Variants in PKP4 observed in about 807,000 individuals in gnomAD.
PKP4 encodes plakophilin 4, also known as plakophilin-4.
A neutral mutation model predicts 145.1 loss-of-function variants in PKP4; 90 were observed. The ratio of observed to expected loss-of-function variants is 0.62; its 90% CI spans 0.52 to 0.74. The LOEUF (loss-of-function observed/expected upper bound fraction) is 0.74. PKP4 is among the 30% of genes least tolerant of loss of function. PKP4 has a pLI of 0.00. For synonymous variants in PKP4, 563 were observed against 577.2 expected (o/e 0.98, Z 0.35); for missense variants, 1,340 against 1,482.7 (o/e 0.90, Z 1.58).
chr2:158,676,216 T>TCAAA (rs1450060413), intron 19 of PKP4, among the ~76,000 whole-genome samples: 2 of 152,194 alleles, frequency 1.3e-5, no homozygotes, highest in Non-Finnish European at 2.9e-5. Flanking sequence ...GTGCTTTTAT[T>TCAAA]CAAACATGTT....
At chr2:158,541,747 TGTA>T (rs1426409865) in intron 2 of PKP4, among the ~76,000 whole-genome samples, 1 of 152,160 alleles carries the variant, frequency 6.6e-6, no homozygotes, top group Non-Finnish European at 1.5e-5. Flanking sequence ...TGTTTTAACT[TGTA>T]GTCTTTTTCT....
At chr2:158,656,358 GC>G (rs1158948227) in intron 11 of PKP4, among the ~76,000 whole-genome samples, 1 of 26,870 alleles carries the variant, frequency 3.7e-5, no homozygotes, top group African/African-American at 9.7e-5. Flanking sequence ...AATGCGTGCT[GC>G]CTTCTAACGG....
At chr2:158,630,953 T>TGTTTGTTA (rs55931090) in intron 7 of PKP4, among the ~76,000 whole-genome samples, 3 of 152,122 alleles carry the variant, frequency 2.0e-5, no homozygotes, top group Non-Finnish European at 4.4e-5. Flanking sequence ...TTTGTTTGTT[T>TGTTTGTTA]TTGAGACGGC....
chr2:158,640,873 G>A, intron 10 of PKP4, 114 bp downstream of exon 10: 1 of 1,062,940 alleles, frequency 9.4e-7, no homozygotes, highest in Admixed American at 2.1e-5. Context: ...TTTTTAAAGG[G>A]ATATTTTGAT....
At chr2:158,495,944 A>G (rs947906555) in intron 1 of PKP4, among the ~76,000 whole-genome samples, 1 of 152,072 alleles carries the variant, frequency 6.6e-6, no homozygotes, top group Non-Finnish European at 1.5e-5. Context: ...GTTTTAACAT[A>G]TATTTTCTTT....
At chr2:158,678,946 T>C (rs1377328414) in intron 21 of PKP4, 2 of 426,388 alleles carry the variant, frequency 4.7e-6, no homozygotes, top group East Asian at 8.4e-5. Context: ...TTCCCACTCT[T>C]TTTCTGTTAA....
chr2:158,627,782 T>C (rs1241950855), intron 7 of PKP4, among the ~76,000 whole-genome samples: 1 of 151,502 alleles, frequency 6.6e-6, no homozygotes, highest in Non-Finnish European at 1.5e-5. Context: ...AATATAAATA[T>C]TTTTAATCAC....
chr2:158,669,911 G>C lies in PKP4; in HGVS notation c.2920G>C (p.Asp974His). 6.2e-7 allele frequency: 1 copy of C among 1,609,126 alleles called. No homozygotes were observed. Among genetic ancestry groups the C allele is most frequent in the Non-Finnish European group, 8.5e-7 (1 of 1,176,740 alleles). The stretch of plus-strand genomic sequence containing the variant: ...GGTGAACATAACCAAAGGCAGGGGC[G>C]ACAGGCAAGTCTGCGGCAAGGAGGT... ...KLVNITKGRGDRSSLKVVKAA... is the reference protein window; with the variant it reads ...KLVNITKGRGHRSSLKVVKAA... The change falls in exon 17 of 22, where the codon GAC becomes CAC. Residue 974 changes from aspartate to histidine, a missense_variant. Physicochemically the swap from Asp to His is moderately conservative, Grantham distance 81. Transcript: ENST00000389759.
At chr2:158,512,446 G>A (rs993921317) in intron 1 of PKP4, among the ~76,000 whole-genome samples, 1 of 152,220 alleles carries the variant, frequency 6.6e-6, no homozygotes, top group African/African-American at 2.4e-5. Context: ...GTTGTGGAAC[G>A]GTTGGCATGT....
intron 3 of PKP4, among the ~76,000 whole-genome samples, chr2:158,598,594 C>T (rs1439335297): frequency 6.6e-6 from 1 of 152,034 alleles, no homozygotes; most frequent in Non-Finnish European, 1.5e-5. Context: ...GGTGAAACCC[C>T]GTCTCTACTA....
Position 158,676,854 on chromosome 2 carries a change from A to T in PKP4, c.3243A>T (p.Lys1081Asn). The change falls in exon 20 of 22, where the codon AAA (lysine) becomes AAT (asparagine). Residue 1081 changes from lysine (K) to asparagine (N), a missense_variant. Transcript: ENST00000389759. ...ATAGCCAAGGGGATGCCACACATAA[A>T]GGCCTGTACCCTGGTAAGACGCCAG... ...YYNSQGDATH[K>N]GLYPGSSKPS... 1 of 1,614,030 alleles carries T rather than the reference A, an allele frequency of 6.2e-7. No individual in the cohort carries two copies. Among genetic ancestry groups the T allele is most frequent in the Non-Finnish European group, 8.5e-7 (1 of 1,180,004 alleles).
chr2:158,652,311 G>A (rs951054428), intron 11 of PKP4, among the ~76,000 whole-genome samples: 3 of 152,168 alleles, frequency 2.0e-5, no homozygotes, highest in African/African-American at 7.2e-5. Context: ...GGTCTATACT[G>A]CATTTGGGTA....
intron 1 of PKP4, among the ~76,000 whole-genome samples, chr2:158,531,320 A>C (rs2043524466): frequency 1.3e-5 from 2 of 152,166 alleles, no homozygotes; most frequent in South Asian, 4.2e-4. Flanking sequence ...GTTTCATATT[A>C]TACTCTTGAC....
intron 11 of PKP4, among the ~76,000 whole-genome samples, chr2:158,645,771 G>A (rs2054766645): frequency 1.3e-5 from 2 of 152,202 alleles, no homozygotes; most frequent in South Asian, 4.1e-4. Flanking sequence ...CCTTGGGAGA[G>A]ACTATTACAG....
intron 13 of PKP4, 97 bp downstream of exon 13, chr2:158,661,547 T>A: frequency 1.3e-6 from 1 of 783,884 alleles, no homozygotes; most frequent in Non-Finnish European, 2.2e-6. Context: ...GACCTGCGGA[T>A]CCTGTCCTCC....
intron 1 of PKP4, among the ~76,000 whole-genome samples, chr2:158,458,521 G>C (rs956578598): frequency 6.6e-6 from 1 of 152,174 alleles, no homozygotes; most frequent in Non-Finnish European, 1.5e-5. Flanking sequence ...TTTGGATAGT[G>C]CCTGGTTTTC....
intron 15 of PKP4, among the ~76,000 whole-genome samples, chr2:158,665,411 C>T (rs183732050): frequency 1.3e-5 from 2 of 152,276 alleles, no homozygotes; most frequent in East Asian, 3.9e-4. Flanking sequence ...ATCTTTCCCT[C>T]TTATTTGTAT....
At chr2:158,594,739 AG>A (rs1261443382) in intron 3 of PKP4, among the ~76,000 whole-genome samples, 1 of 152,192 alleles carries the variant, frequency 6.6e-6, no homozygotes, top group Non-Finnish European at 1.5e-5. Context: ...TAAATTTGGA[AG>A]GGGTTTCAAA....
chr2:158,654,699 C>G (rs747031481), intron 11 of PKP4, among the ~76,000 whole-genome samples: 1 of 152,088 alleles, frequency 6.6e-6, no homozygotes, highest in Non-Finnish European at 1.5e-5. Flanking sequence ...TAGAGATCCT[C>G]TCCCCCAGTT....
Sources: allele counts gnomAD v4.1 joint callset (sites outside exome capture counted in the v4.1 genomes callset), GRCh38; gene constraint gnomAD v4.1.1; transcripts MANE v1.5; gene names NCBI Gene and HGNC (gene_info 2026-07-23, HGNC 2026-07-21).